CTNNA2: variants seen among roughly 807,000 people sequenced by gnomAD.
The protein encoded by CTNNA2 is catenin alpha 2.
A neutral mutation model predicts 101.0 loss-of-function variants in CTNNA2; 42 were observed. That is an observed-to-expected ratio of 0.42 (90% CI 0.32 to 0.54). The LOEUF (loss-of-function observed/expected upper bound fraction) is 0.54, where lower values mean the gene tolerates loss of function less well. Among genes scored for constraint, CTNNA2 ranks in the 20% least tolerant of loss-of-function variants. CTNNA2 has a pLI of 0.14. For synonymous variants in CTNNA2, 450 were observed against 456.4 expected (o/e 0.99, Z 0.18); for missense variants, 871 against 1,223.1 (o/e 0.71, Z 4.29).
intron 7 of CTNNA2, among the ~76,000 whole-genome samples, chr2:80,058,357 T>C (rs1697362153): frequency 6.6e-6 from 1 of 152,212 alleles, no homozygotes; most frequent in Admixed American, 6.5e-5. Flanking sequence ...AACTGAGGGA[T>C]AGAAAGTTCT....
intron 7 of CTNNA2, among the ~76,000 whole-genome samples, chr2:79,913,323 C>T (rs1352788118): frequency 6.6e-6 from 1 of 152,194 alleles, no homozygotes; most frequent in African/African-American, 2.4e-5. Flanking sequence ...GGTCAAGGGC[C>T]TTGCTGTGAA....
intron 17 of CTNNA2, among the ~76,000 whole-genome samples, chr2:80,615,334 A>G (rs921750719): frequency 6.6e-6 from 1 of 151,588 alleles, no homozygotes; most frequent in African/African-American, 2.4e-5. Context: ...AAAGAGCTGC[A>G]TTTATTTGTT....
At chr2:80,524,478 C>T (rs1689852489) in intron 9 of CTNNA2, among the ~76,000 whole-genome samples, 1 of 152,102 alleles carries the variant, frequency 6.6e-6, no homozygotes, top group African/African-American at 2.4e-5. Flanking sequence ...TAAAGTTCTG[C>T]CCATTGCCTA....
intron 2 of CTNNA2, among the ~76,000 whole-genome samples, chr2:79,233,116 T>A (rs1674516605): frequency 6.6e-6 from 1 of 152,202 alleles, no homozygotes; most frequent in Non-Finnish European, 1.5e-5. Context: ...ATGTTGTATT[T>A]TTTTTCTTTA....
At chr2:80,388,010 TG>T (rs1219208274) in intron 7 of CTNNA2, among the ~76,000 whole-genome samples, 1 of 151,996 alleles carries the variant, frequency 6.6e-6, no homozygotes, top group East Asian at 1.9e-4. Context: ...AGAAGAAAAG[TG>T]GGGAGCAGGC....
intron 10 of CTNNA2, 47 bp from the exon 11 acceptor site, chr2:80,545,860 T>C (rs1360415754): frequency 1.3e-6 from 2 of 1,595,048 alleles, no homozygotes; most frequent in Admixed American, 3.4e-5. Context: ...TTATTCCTCT[T>C]TTGAAGTGTG....
chr2:80,645,285 T>C (rs2149867574), intron 18 of CTNNA2, among the ~76,000 whole-genome samples: 1 of 152,200 alleles, frequency 6.6e-6, no homozygotes, highest in South Asian at 2.1e-4. Flanking sequence ...AAAGAAACTG[T>C]GACTTATCTG....
intron 3 of CTNNA2, among the ~76,000 whole-genome samples, chr2:79,338,905 T>C (rs552241971): frequency 6.6e-6 from 1 of 152,212 alleles, no homozygotes; most frequent in South Asian, 2.1e-4. Flanking sequence ...GGAGCTAACA[T>C]TCCCTGAGAT....
At chr2:79,797,054 T>G (rs1675770368) in intron 3 of CTNNA2, among the ~76,000 whole-genome samples, 1 of 152,216 alleles carries the variant, frequency 6.6e-6, no homozygotes, top group Non-Finnish European at 1.5e-5. Context: ...ACATTATGTC[T>G]TTAAAAGTAC....
chr2:80,564,402 C>G (rs1049076600), intron 12 of CTNNA2, among the ~76,000 whole-genome samples: 3 of 152,076 alleles, frequency 2.0e-5, no homozygotes, highest in African/African-American at 7.2e-5. Context: ...AGAAAACTTT[C>G]CAAGCAAGCA....
intron 7 of CTNNA2, among the ~76,000 whole-genome samples, chr2:80,373,903 C>A (rs1675681411): frequency 6.6e-6 from 1 of 152,086 alleles, no homozygotes; most frequent in African/African-American, 2.4e-5. Flanking sequence ...CTGTCACATC[C>A]TCCCTACCTG....
intron 7 of CTNNA2, among the ~76,000 whole-genome samples, chr2:80,221,927 A>G (rs1708599358): frequency 6.6e-6 from 1 of 152,222 alleles, no homozygotes; most frequent in Non-Finnish European, 1.5e-5. Context: ...TTTAAATTGA[A>G]GGAGTTTGGC....
chr2:80,166,229 A>G (rs1213927084), intron 7 of CTNNA2, among the ~76,000 whole-genome samples: 1 of 152,192 alleles, frequency 6.6e-6, no homozygotes, highest in African/African-American at 2.4e-5. Context: ...ATGCTAAGGA[A>G]TGACTCTTAG....
intron 13 of CTNNA2, among the ~76,000 whole-genome samples, chr2:80,578,234 TA>T (rs3835999): frequency 0.083 from 12,579 of 152,212 alleles, 1,533 homozygotes; most frequent in African/African-American, 0.26. Context: ...TAACAAAACA[TA>T]AAATAGTGGA....
intron 2 of CTNNA2, among the ~76,000 whole-genome samples, chr2:79,270,616 C>T (rs758019489): frequency 9.9e-5 from 15 of 151,974 alleles, no homozygotes; most frequent in Non-Finnish European, 1.9e-4. Flanking sequence ...GCAGCTCCCA[C>T]CTCTCAGGCA....
At chr2:80,530,386 A>G (rs1411164105) in intron 9 of CTNNA2, among the ~76,000 whole-genome samples, 2 of 152,206 alleles carry the variant, frequency 1.3e-5, no homozygotes, top group Admixed American at 6.5e-5. Context: ...GGGAGCTTCC[A>G]GCTCGGGAGA....
In CTNNA2 at chr2:80,574,173, C is replaced by T; in HGVS notation, c.1752C>T (p.Arg584=). Residue 584 remains arginine (R), a synonymous_variant, in exon 13 of 19, where the codon CGC becomes CGT. Coordinates refer to ENST00000402739, the MANE Select transcript of CTNNA2 (RefSeq NM_001282597.3). ...TKLLSETVMP[R]FAEQVEVAIE... is the part of the protein sequence containing the mutation. ...TTATTTTTAACCCAGTGATGCCACGCTTCGCTGAACAAGTAGAGGTTGCCA... is the reference window on the plus strand; with the variant it reads ...TTATTTTTAACCCAGTGATGCCACGTTTCGCTGAACAAGTAGAGGTTGCCA... 6.2e-7 allele frequency: 1 copy of T among 1,611,938 alleles called. No homozygotes were observed.
chr2:79,438,674 G>A (rs571703972), intron 4 of CTNNA2, among the ~76,000 whole-genome samples: 1 of 152,244 alleles, frequency 6.6e-6, no homozygotes, highest in East Asian at 1.9e-4. Context: ...GACAGCCACT[G>A]TCCTAGATAT....
intron 7 of CTNNA2, among the ~76,000 whole-genome samples, chr2:80,039,480 A>G (rs1695892735): frequency 6.6e-6 from 1 of 152,200 alleles, no homozygotes; most frequent in African/African-American, 2.4e-5. Flanking sequence ...GTGAAATTCC[A>G]GTAATGCCCT....
Sources: gnomAD v4.1 joint callset for allele counts (sites outside exome capture counted in the v4.1 genomes callset) on GRCh38, gnomAD v4.1.1 for gene constraint, MANE v1.5 for transcripts, NCBI Gene and HGNC (gene_info 2026-07-23, HGNC 2026-07-21) for gene names.